The following RHOT1 variants were observed in gnomAD, a reference collection of about 807,000 sequenced individuals.
RHOT1 encodes the protein mitochondrial Rho GTPase 1.
Under a neutral mutation model 95.3 loss-of-function variants are expected in RHOT1, and 27 were observed. That is an observed-to-expected ratio of 0.28 (90% CI 0.21 to 0.39). RHOT1 has a LOEUF of 0.39. RHOT1 is among the 10% of genes least tolerant of loss of function. The pLI is 1.00. For synonymous variants in RHOT1, 227 were observed against 263.5 expected (o/e 0.86, Z 1.34); for missense variants, 578 against 786.7 (o/e 0.73, Z 3.17).
At chr17:32,149,635 A>ATATATATATGTGTGTGTGTGTGTG (rs1445281403) in intron 1 of RHOT1, among the ~76,000 whole-genome samples, 1 of 59,096 alleles carries the variant, frequency 1.7e-5, no homozygotes, top group Non-Finnish European at 3.4e-5. Flanking sequence ...ATATATATAT[A>ATATATATATGTGTGTGTGTGTGTG]TGTGTGTGTG....
chr17:32,180,615 C>A (rs1055345837), intron 6 of RHOT1, among the ~76,000 whole-genome samples: 1 of 145,234 alleles, frequency 6.9e-6, no homozygotes, highest in Non-Finnish European at 1.5e-5. Flanking sequence ...CCGAGAAACA[C>A]CCAAGAATGA....
intron 18 of RHOT1, chr17:32,209,205 T>C (rs113888799): frequency 1.2e-5 from 5 of 424,688 alleles, no homozygotes; most frequent in African/African-American, 6.1e-5. Flanking sequence ...ACTGCTATTT[T>C]ATTACCTAAT....
chr17:32,179,479 C>A (rs561925862), intron 6 of RHOT1: 1 of 129,370 alleles, frequency 7.7e-6, no homozygotes, highest in Non-Finnish European at 1.6e-5. Flanking sequence ...CACCTCTGCC[C>A]GGCCGCCCCG....
Position 32,174,804 on chromosome 17 carries a change from A to G in RHOT1, c.179-515A>G, listed in dbSNP as rs2034860838. On this transcript the variant is annotated intron_variant, in intron 3 of 19. Coordinates refer to ENST00000545287, the MANE Select transcript of RHOT1 (RefSeq NM_001033566.3). ...CATGCGTGGAATTGCAGGCACACCC[A>G]CCCATTGAGACCAGTTCTAGCTAAA... Among the ~76,000 whole-genome samples, 6 of 152,166 alleles carry G rather than the reference A, an allele frequency of 3.9e-5. No homozygotes were observed. In the South Asian group the frequency reaches 1.2e-3, roughly 32 times the overall value.
chr17:32,193,925 T>A, intron 10 of RHOT1, 62 bp from the exon 11 acceptor site: 1 of 1,571,282 alleles, frequency 6.4e-7, no homozygotes, highest in South Asian at 1.2e-5. Context: ...CTTGCCATTA[T>A]GTTACATGCT....
intron 19 of RHOT1, among the ~76,000 whole-genome samples, chr17:32,216,557 G>A (rs1398983408): frequency 1.3e-5 from 2 of 151,988 alleles, no homozygotes; most frequent in Non-Finnish European, 2.9e-5. Flanking sequence ...CATACCTATT[G>A]CATTTTTTAC....
chr17:32,212,041 T>C (rs2038168663), intron 19 of RHOT1, among the ~76,000 whole-genome samples: 1 of 152,258 alleles, frequency 6.6e-6, no homozygotes, highest in East Asian at 1.9e-4. Flanking sequence ...AATACTAATT[T>C]GTACCTGATG....
At chr17:32,162,328 A>T (rs2033641197) in intron 1 of RHOT1, among the ~76,000 whole-genome samples, 1 of 152,212 alleles carries the variant, frequency 6.6e-6, no homozygotes, top group Admixed American at 6.5e-5. Flanking sequence ...AGGGATTCTG[A>T]TGCTCTGTGC....
At chr17:32,223,815 T>A (rs2038981879) in intron 19 of RHOT1, among the ~76,000 whole-genome samples, 1 of 152,236 alleles carries the variant, frequency 6.6e-6, no homozygotes, top group Non-Finnish European at 1.5e-5. Flanking sequence ...TAGAGCTTTA[T>A]CCTCTTCATG....
chr17:32,157,416 G>C lies in RHOT1; in HGVS notation c.38-13627G>C, dbSNP rs372436330. ...TCTTTCTGGAGATCTTCAGTAGCTG[G>C]TACGAAATGTGACATCAAGGAGGTT... On this transcript the variant is annotated intron_variant, in intron 1 of 19. Transcript: ENST00000545287. Among the ~76,000 whole-genome samples the C allele has an allele frequency of 1.6e-4, 25 of 152,284 alleles. No homozygotes were observed. In the East Asian group the frequency reaches 4.6e-3, roughly 28 times the overall value.
At chr17:32,142,812 C>T in intron 1 of RHOT1, 83 bp downstream of exon 1, 1 of 1,238,592 alleles carries the variant, frequency 8.1e-7, no homozygotes, top group Non-Finnish European at 1.1e-6. Context: ...GCCCCTGCAG[C>T]CCCAACCTTT....
intron 8 of RHOT1, among the ~76,000 whole-genome samples, chr17:32,184,616 G>A (rs1232102934): frequency 1.3e-5 from 2 of 151,332 alleles, no homozygotes; most frequent in Non-Finnish European, 2.9e-5. Context: ...TTAGCCTCTC[G>A]AGTAGCTAGG....
At chr17:32,192,357 G>GATT in intron 9 of RHOT1, 58 bp downstream of exon 9, 1 of 760,276 alleles carries the variant, frequency 1.3e-6, no homozygotes, top group Non-Finnish European at 2.0e-6. Context: ...TTTTTTTGCT[G>GATT]AAAGCTGTAA....
At chr17:32,175,427 G>A in intron 4 of RHOT1, 65 bp downstream of exon 4, 2 of 1,382,164 alleles carry the variant, frequency 1.4e-6, no homozygotes, top group Middle Eastern at 1.8e-4. Context: ...TTATGAGCCT[G>A]CCTTTTTCAT....
chr17:32,207,180 T>G (rs2037818880), intron 17 of RHOT1, 151 bp downstream of exon 17: 1 of 751,766 alleles, frequency 1.3e-6, no homozygotes, highest in Non-Finnish European at 2.1e-6. Flanking sequence ...AAGGTTCTGG[T>G]TTTGTTCTAA....
At chr17:32,189,056 T>C (rs1217256647) in intron 8 of RHOT1, among the ~76,000 whole-genome samples, 1 of 152,152 alleles carries the variant, frequency 6.6e-6, no homozygotes, top group Non-Finnish European at 1.5e-5. Context: ...TCCCAGCACT[T>C]TGGGAGGCCA....
intron 1 of RHOT1, chr17:32,143,069 T>G: frequency 6.3e-6 from 4 of 631,360 alleles, no homozygotes; most frequent in East Asian, 6.8e-5. Context: ...CTTCGAACCC[T>G]GTCCTTCTGG....
intron 11 of RHOT1, among the ~76,000 whole-genome samples, chr17:32,198,554 CA>C: frequency 6.6e-6 from 1 of 152,050 alleles, no homozygotes; most frequent in East Asian, 1.9e-4. Flanking sequence ...TACAAAAATA[CA>C]AAAATTAGCC....
At chr17:32,163,153 G>T (rs1457079770) in intron 1 of RHOT1, among the ~76,000 whole-genome samples, 4 of 152,174 alleles carry the variant, frequency 2.6e-5, no homozygotes, top group Non-Finnish European at 5.9e-5. Context: ...GTTTGATCAG[G>T]TGAGTCAGAA....
Sources: allele counts gnomAD v4.1 joint callset (sites outside exome capture counted in the v4.1 genomes callset), GRCh38; gene constraint gnomAD v4.1.1; transcripts MANE v1.5; gene names NCBI Gene and HGNC (gene_info 2026-07-23, HGNC 2026-07-21).